The following SGCD variants were observed in gnomAD, a reference collection of about 807,000 sequenced individuals.
SGCD encodes sarcoglycan delta, also known as delta-sarcoglycan.
SGCD carries 18 observed loss-of-function variants against 36.6 expected under a neutral mutation model. That is an observed-to-expected ratio of 0.49 (90% CI 0.34 to 0.73). The LOEUF (loss-of-function observed/expected upper bound fraction) is 0.73. Among genes scored for constraint, SGCD ranks in the 30% least tolerant of loss-of-function variants. The pLI is 0.01. For synonymous variants in SGCD, 133 were observed against 130.6 expected, an observed-to-expected ratio of 1.02 and a Z score of -0.12; for missense variants, 387 against 346.7, an observed-to-expected ratio of 1.12 and a Z score of -0.92.
intron 3 of SGCD, among the ~76,000 whole-genome samples, chr5:156,228,636 T>C (rs1330710558): frequency 6.6e-6 from 1 of 152,194 alleles, no homozygotes; most frequent in African/African-American, 2.4e-5. Context: ...CCATTTACAT[T>C]CAATGTTAGT....
intron 1 of SGCD, among the ~76,000 whole-genome samples, chr5:155,910,694 G>A (rs547071672): frequency 3.9e-5 from 6 of 151,982 alleles, no homozygotes; most frequent in Non-Finnish European, 7.4e-5. Context: ...TCCTCCTTGA[G>A]GATAGAAAAG....
chr5:155,864,081 G>A, the SGCD span, among the ~76,000 whole-genome samples: 1 of 152,188 alleles, frequency 6.6e-6, no homozygotes, highest in Admixed American at 6.5e-5. Flanking sequence ...ATTTAGATGG[G>A]TTTCCTGGGA....
chr5:155,812,714 C>A, the SGCD span, among the ~76,000 whole-genome samples: 24 of 152,300 alleles, frequency 1.6e-4, no homozygotes, highest in South Asian at 2.7e-3. Flanking sequence ...TGAGTCCAAT[C>A]GCCAATGCAG....
intron 3 of SGCD, among the ~76,000 whole-genome samples, chr5:156,420,407 G>A (rs770450022): frequency 1.3e-5 from 2 of 152,058 alleles, no homozygotes; most frequent in Admixed American, 6.6e-5. Context: ...ACTTCTTAGG[G>A]CATTTTTACT....
Position 156,631,154 on chromosome 5 carries a change from A to G in SGCD, c.503-16310A>G, listed in dbSNP as rs6556750. The stretch of plus-strand genomic sequence containing the variant: ...CTGCCTTGAAAGCTGAGTCATTTTC[A>G]TAATGGGTCAGAAAGACATTTTTCA... On this transcript the variant is annotated intron_variant, in intron 6 of 8. Transcript: ENST00000337851. Among the ~76,000 whole-genome samples, 417 of 152,304 alleles carry G rather than the reference A, an allele frequency of 2.7e-3. 1 individual carries two copies. Among genetic ancestry groups the G allele is most frequent in the African/African-American group, 9.4e-3 (389 of 41,566 alleles).
chr5:156,204,400 G>A (rs949880554), intron 3 of SGCD, among the ~76,000 whole-genome samples: 3 of 151,156 alleles, frequency 2.0e-5, no homozygotes, highest in African/African-American at 7.3e-5. Flanking sequence ...AAGTATGGTG[G>A]GTGATACAAA....
chr5:156,655,953 T>G (rs35105052), intron 7 of SGCD, among the ~76,000 whole-genome samples: 4 of 152,112 alleles, frequency 2.6e-5, no homozygotes, highest in Non-Finnish European at 5.9e-5. Context: ...TTTGAATGCC[T>G]TCCTTGCTCT....
chr5:156,542,030 C>A, intron 4 of SGCD, among the ~76,000 whole-genome samples: 1 of 152,116 alleles, frequency 6.6e-6, no homozygotes, highest in East Asian at 1.9e-4. Context: ...AAAATCACTG[C>A]AAACATTTGA....
the SGCD span, among the ~76,000 whole-genome samples, chr5:155,751,532 A>C: frequency 6.6e-6 from 1 of 152,102 alleles, no homozygotes; most frequent in East Asian, 1.9e-4. Context: ...GACTACAGGC[A>C]CATACCACCA....
intron 3 of SGCD, among the ~76,000 whole-genome samples, chr5:156,165,297 C>T (rs148995231): frequency 6.6e-6 from 1 of 152,128 alleles, no homozygotes; most frequent in African/African-American, 2.4e-5. Flanking sequence ...CCTTTATGTT[C>T]CATCTGCTCT....
At chr5:155,986,467 AT>A (rs1758332719) in intron 1 of SGCD, among the ~76,000 whole-genome samples, 1 of 152,216 alleles carries the variant, frequency 6.6e-6, no homozygotes, top group African/African-American at 2.4e-5. Flanking sequence ...CAAGGAAGAC[AT>A]AAAGGATTCC....
At chr5:156,128,762 A>G (rs1011545712) in intron 3 of SGCD, among the ~76,000 whole-genome samples, 6 of 152,134 alleles carry the variant, frequency 3.9e-5, no homozygotes, top group Non-Finnish European at 5.9e-5. Flanking sequence ...GCCTTCTGCC[A>G]TGATTGTAAG....
intron 1 of SGCD, among the ~76,000 whole-genome samples, chr5:156,043,205 C>T (rs1011597823): frequency 3.3e-5 from 5 of 152,162 alleles, no homozygotes; most frequent in Non-Finnish European, 2.9e-5. Context: ...AGTATCAATA[C>T]ATGAAGCTTC....
At chr5:155,877,845 A>G (rs946962968) in intron 1 of SGCD, among the ~76,000 whole-genome samples, 2 of 152,124 alleles carry the variant, frequency 1.3e-5, no homozygotes, top group African/African-American at 4.8e-5. Flanking sequence ...CTTCAATATG[A>G]TAATATGCAT....
At chr5:156,453,467 C>A (rs997427225) in intron 3 of SGCD, among the ~76,000 whole-genome samples, 1 of 152,182 alleles carries the variant, frequency 6.6e-6, no homozygotes, top group African/African-American at 2.4e-5. Context: ...TTCATAGTAG[C>A]TGCATTCACA....
chr5:156,263,055 A>G (rs933661451), intron 3 of SGCD, among the ~76,000 whole-genome samples: 4 of 152,060 alleles, frequency 2.6e-5, no homozygotes, highest in Admixed American at 6.6e-5. Flanking sequence ...ACTGCTATAA[A>G]CATGGGTGTG....
chr5:156,335,520 G>A (rs750974919), intron 2 of SGCD, among the ~76,000 whole-genome samples: 4 of 152,076 alleles, frequency 2.6e-5, no homozygotes, highest in Admixed American at 6.5e-5. Context: ...GTCCAGATTC[G>A]TTTCCAAGTG....
chr5:156,164,518 G>T (rs1031842279), intron 3 of SGCD, among the ~76,000 whole-genome samples: 16 of 152,076 alleles, frequency 1.1e-4, no homozygotes, highest in African/African-American at 3.6e-4. Context: ...TTGCATTCCT[G>T]TCTATTTCCA....
chr5:156,705,250 A>G (rs1754692353), intron 7 of SGCD, among the ~76,000 whole-genome samples: 1 of 152,188 alleles, frequency 6.6e-6, no homozygotes, highest in African/African-American at 2.4e-5. Flanking sequence ...TTCACTTGTG[A>G]TAATAGAAAT....
Sources: allele counts gnomAD v4.1 joint callset (sites outside exome capture counted in the v4.1 genomes callset), GRCh38; gene constraint gnomAD v4.1.1; transcripts MANE v1.5; gene names NCBI Gene and HGNC (gene_info 2026-07-23, HGNC 2026-07-21).